SCN11A: variants seen among roughly 807,000 people sequenced by gnomAD.
SCN11A encodes the protein sodium channel protein type 11 subunit alpha.
SCN11A carries 122 observed loss-of-function variants against 162.2 expected under a neutral mutation model. The observed-to-expected ratio is 0.75, with a 90% CI of 0.65 to 0.87. The LOEUF is 0.87. Ranked by LOEUF, SCN11A falls within the 40% of genes least tolerant of loss-of-function variation. The pLI, the probability that SCN11A is intolerant of heterozygous loss-of-function variation, is 0.00. For synonymous variants in SCN11A, 758 were observed against 751.5 expected, an observed-to-expected ratio of 1.01 and a Z score of -0.14; for missense variants, 2,015 against 2,181.6, an observed-to-expected ratio of 0.92 and a Z score of 1.52.
At chr3:38,875,776 C>T (rs891369342) in intron 23 of SCN11A, among the ~76,000 whole-genome samples, 1 of 152,006 alleles carries the variant, frequency 6.6e-6, no homozygotes, top group Admixed American at 6.6e-5. Flanking sequence ...GTGAAAATGA[C>T]CCTACTACCA....
intron 2 of SCN11A, among the ~76,000 whole-genome samples, chr3:39,017,012 T>C (rs2031307342): frequency 6.6e-6 from 1 of 152,250 alleles, no homozygotes; most frequent in Non-Finnish European, 1.5e-5. Flanking sequence ...ACTGACTGTG[T>C]TCCCCTCAAA....
At position 38,908,096 on chromosome 3, in the gene SCN11A, T is replaced by G. The variant is rs1292082067; in HGVS notation, c.1326A>C (p.Arg442Ser). 1 of 1,612,432 alleles carries G rather than the reference T, an allele frequency of 6.2e-7. No individual in the cohort carries two copies. The highest frequency in any genetic ancestry group is 8.5e-7 in the Non-Finnish European group (1 of 1,179,692). ...KEALVAMGID[R>S]SSLTSLETSY... ...ATGTTTCAAGGGAAGTAAGTGAACT[T>G]CTGTCAATTCCCATGGCAACCAGAG... The change falls in exon 14 of 30, where the codon AGA (arginine) becomes AGC (serine). Residue 442 changes from arginine to serine, a missense_variant. Arg to Ser is a moderately radical substitution (Grantham distance 110). Transcript: ENST00000302328.
At chr3:39,018,329 G>T (rs951497989) in intron 2 of SCN11A, among the ~76,000 whole-genome samples, 1 of 152,104 alleles carries the variant, frequency 6.6e-6, no homozygotes, top group African/African-American at 2.4e-5. Flanking sequence ...TTGGTTGTCT[G>T]TCCTGAAAAC....
intron 2 of SCN11A, among the ~76,000 whole-genome samples, chr3:38,968,176 C>T (rs2066794569): frequency 1.3e-5 from 2 of 152,198 alleles, no homozygotes; most frequent in African/African-American, 4.8e-5. Context: ...TCTTTGCTCT[C>T]CTTTCTCAGT....
rs2065773990 is a variant in SCN11A at position 38,905,230 on chromosome 3, GCT to G, written c.1563_1564del (p.Arg521SerfsTer46). On this transcript the variant is annotated frameshift_variant, in exon 15 of 30. Transcript: ENST00000302328. LOFTEE classifies it high-confidence loss of function. ...GGTGAGGATGCTGACAGCACTCAGT[GCT>G]CTCTGCCTTTGGAGAGGATCTCCAT... 1 of 1,613,952 alleles carries G rather than the reference GCT, an allele frequency of 6.2e-7. No homozygotes were observed. Among genetic ancestry groups the G allele is most frequent in the Admixed American group, 1.7e-5 (1 of 60,012 alleles).
At chr3:39,040,828 C>A (rs1309512901) in intron 1 of SCN11A, among the ~76,000 whole-genome samples, 2 of 152,100 alleles carry the variant, frequency 1.3e-5, no homozygotes. Flanking sequence ...CCTGTAATCC[C>A]AGCACTTTGG....
intron 21 of SCN11A, among the ~76,000 whole-genome samples, chr3:38,883,659 T>C (rs997936864): frequency 2.6e-5 from 4 of 152,094 alleles, no homozygotes; most frequent in Non-Finnish European, 4.4e-5. Context: ...TCTTGTGCCA[T>C]CTCCATAAAA....
chr3:38,971,786 T>C (rs1226050175), intron 2 of SCN11A, among the ~76,000 whole-genome samples: 1 of 152,226 alleles, frequency 6.6e-6, no homozygotes, highest in Non-Finnish European at 1.5e-5. Flanking sequence ...GGGCAAAGAC[T>C]ATCCTACTCT....
At chr3:39,045,885 T>C (rs924770377) in intron 1 of SCN11A, among the ~76,000 whole-genome samples, 4 of 152,218 alleles carry the variant, frequency 2.6e-5, no homozygotes, top group African/African-American at 4.8e-5. Context: ...ATCTTATATA[T>C]AGAAAACTTA....
intron 7 of SCN11A, among the ~76,000 whole-genome samples, chr3:38,933,123 T>C (rs2066272173): frequency 6.6e-6 from 1 of 152,128 alleles, no homozygotes; most frequent in Non-Finnish European, 1.5e-5. Context: ...GGGTCTGGAG[T>C]GGACCTCTAG....
intron 18 of SCN11A, 36 bp downstream of exon 18, chr3:38,896,808 CT>C (rs5848481): frequency 4.9e-3 from 5,371 of 1,102,590 alleles, no homozygotes; most frequent in South Asian, 0.011. Context: ...CATGTAGGAT[CT>C]TTTTTTTTTT....
At chr3:38,942,164 C>T (rs922816426) in intron 7 of SCN11A, among the ~76,000 whole-genome samples, 10 of 151,952 alleles carry the variant, frequency 6.6e-5, no homozygotes, top group South Asian at 2.1e-4. Flanking sequence ...TAATAATCAT[C>T]GTAAATATGT....
chr3:38,928,506 C>T (rs926822436), intron 7 of SCN11A, among the ~76,000 whole-genome samples: 1 of 152,102 alleles, frequency 6.6e-6, no homozygotes, highest in African/African-American at 2.4e-5. Flanking sequence ...CCTTCATGTT[C>T]TGCACCTGTA....
At chr3:38,877,035 T>C (rs1293257634) in intron 23 of SCN11A, among the ~76,000 whole-genome samples, 1 of 38,822 alleles carries the variant, frequency 2.6e-5, no homozygotes, top group African/African-American at 7.7e-5. Context: ...ATATATGGTA[T>C]ATATATGGTG....
chr3:38,941,704 A>G (rs1053094879), intron 7 of SCN11A, among the ~76,000 whole-genome samples: 1 of 152,184 alleles, frequency 6.6e-6, no homozygotes, highest in Non-Finnish European at 1.5e-5. Context: ...AAAGGCCAGC[A>G]GAGGATTAAA....
At chr3:38,869,230 TGTC>T (rs1198406274) in intron 26 of SCN11A, among the ~76,000 whole-genome samples, 1 of 152,076 alleles carries the variant, frequency 6.6e-6, no homozygotes, top group Non-Finnish European at 1.5e-5. Context: ...CCACACACCT[TGTC>T]TACTACACAT....
Position 38,885,470 on chromosome 3 carries a change from GTTTCTCATTGTCTGAT to G in SCN11A, c.2950-84_2950-69del, listed in dbSNP as rs144954210. On this transcript the variant is annotated intron_variant, in intron 20 of 29. Coordinates refer to ENST00000302328, the MANE Select transcript of SCN11A (RefSeq NM_001349253.2). ...CCTTCTTTCACCATAGTAGTACGGA[GTTTCTCATTGTCTGAT>G]TTTTTAAGGATGAAATGAACTAGGC... 506 of 845,252 alleles carry G rather than the reference GTTTCTCATTGTCTGAT, an allele frequency of 6.0e-4. 6 individuals carry two copies. The East Asian group carries it at 0.012, about 21-fold the overall frequency. 52.4% of individuals were successfully genotyped at this position (845,252 alleles called of 1,614,324 possible). A position where few individuals can be genotyped will look rare whatever the true frequency, so the allele number is the denominator to read the frequency against.
chr3:39,050,234 A>T (rs2032295718), intron 1 of SCN11A, among the ~76,000 whole-genome samples: 1 of 152,134 alleles, frequency 6.6e-6, no homozygotes. Context: ...CTCTCCTGCT[A>T]CAAGACCTTT....
chr3:38,947,432 T>C (rs951802554), intron 5 of SCN11A, among the ~76,000 whole-genome samples: 2 of 152,204 alleles, frequency 1.3e-5, no homozygotes, highest in African/African-American at 2.4e-5. Flanking sequence ...TCTGTGGACA[T>C]AGGGGCAAAT....
Sources: gnomAD v4.1 joint callset for allele counts (sites outside exome capture counted in the v4.1 genomes callset) on GRCh38, gnomAD v4.1.1 for gene constraint, MANE v1.5 for transcripts, NCBI Gene and HGNC (gene_info 2026-07-23, HGNC 2026-07-21) for gene names.